Variants in MSH3 observed in about 807,000 individuals in gnomAD.
The protein encoded by MSH3 is mutS homolog 3, also known as DNA mismatch repair protein Msh3.
MSH3 carries 106 observed loss-of-function variants against 123.3 expected under a neutral mutation model. That is an observed-to-expected ratio of 0.86 (90% CI 0.73 to 1.01). The LOEUF (loss-of-function observed/expected upper bound fraction) is 1.01. MSH3 is among the 50% of genes least tolerant of loss of function. The pLI is 0.00. For missense variants in MSH3, 1,459 were observed against 1,347.6 expected (o/e 1.08, Z -1.29); for synonymous variants, 515 against 481.4 (o/e 1.07, Z -0.91).
intron 1 of MSH3, chr5:80,655,222 C>A (rs76858149): frequency 8.9e-4 from 307 of 345,458 alleles, no homozygotes; most frequent in African/African-American, 6.2e-3. Flanking sequence ...GAACTCAGGT[C>A]TCCTGACTCC....
chr5:80,769,170 A>T (rs1032701726), intron 15 of MSH3, among the ~76,000 whole-genome samples, 167 bp downstream of exon 15: 5 of 152,120 alleles, frequency 3.3e-5, no homozygotes, highest in Admixed American at 6.5e-5. Flanking sequence ...AGTTATTTTA[A>T]TGATAGTGTT....
At chr5:80,747,752 A>G (rs528933304) in intron 12 of MSH3, among the ~76,000 whole-genome samples, 1 of 152,258 alleles carries the variant, frequency 6.6e-6, no homozygotes, top group African/African-American at 2.4e-5. Context: ...AATACTTACC[A>G]TTGTGTTACA....
chr5:80,849,151 A>T (rs1286234626), intron 20 of MSH3, among the ~76,000 whole-genome samples: 1 of 152,184 alleles, frequency 6.6e-6, no homozygotes, highest in Non-Finnish European at 1.5e-5. Flanking sequence ...TTTTGACTCC[A>T]TGCCTCACAT....
At chr5:80,858,286 T>C (rs1391783433) in intron 21 of MSH3, among the ~76,000 whole-genome samples, 1 of 152,152 alleles carries the variant, frequency 6.6e-6, no homozygotes, top group Non-Finnish European at 1.5e-5. Flanking sequence ...TGGACTCCAG[T>C]GATCCTCTTG....
In MSH3 at chr5:80,692,555, GAT is replaced by G. The variant is rs1165923200; in HGVS notation, c.1340+13464_1340+13465del. 2.1e-5 allele frequency among the ~76,000 whole-genome samples: 3 copies of G among 143,398 alleles called. 1 individual carries two copies. The highest frequency in any genetic ancestry group is 4.6e-5 in the Non-Finnish European group (3 of 65,670). The allele number at this position is 143,398 out of a possible 152,430, so 94.1% of individuals were successfully genotyped here. A position where few individuals can be genotyped will look rare whatever the true frequency, so the allele number is the denominator to read the frequency against. ...AAACATGTATATGTTTATATAGAGA[GAT>G]AAACATGTATATGTTTATATAGAGA... On this transcript the variant is annotated intron_variant, in intron 8 of 23. Transcript: ENST00000265081.
chr5:80,857,487 G>C (rs1196936987), intron 21 of MSH3, among the ~76,000 whole-genome samples: 1 of 152,164 alleles, frequency 6.6e-6, no homozygotes, highest in Non-Finnish European at 1.5e-5. Context: ...TTAAACATTT[G>C]GTGGAGTTCA....
chr5:80,707,503 G>T (rs953856529), intron 8 of MSH3, among the ~76,000 whole-genome samples: 3 of 152,062 alleles, frequency 2.0e-5, no homozygotes, highest in African/African-American at 7.2e-5. Context: ...TGGGAGGACT[G>T]CTTGAGCCCA....
chr5:80,872,912 T>A (rs1311938558), intron 22 of MSH3, among the ~76,000 whole-genome samples: 2 of 152,228 alleles, frequency 1.3e-5, no homozygotes, highest in Non-Finnish European at 2.9e-5. Context: ...AAAAGATAGA[T>A]CCTATATGCA....
chr5:80,871,489 G>A (rs1189119043), intron 22 of MSH3, among the ~76,000 whole-genome samples: 3 of 152,306 alleles, frequency 2.0e-5, no homozygotes, highest in African/African-American at 7.2e-5. Context: ...AATCAGGGCA[G>A]CAGCCATGTC....
At chr5:80,655,195 T>G in intron 1 of MSH3, 1 of 386,446 alleles carries the variant, frequency 2.6e-6, no homozygotes, top group East Asian at 4.0e-5. Flanking sequence ...AGGTTTTTAA[T>G]GGCAGGCCTG....
intron 20 of MSH3, among the ~76,000 whole-genome samples, chr5:80,845,969 G>A (rs2112096797): frequency 6.6e-6 from 1 of 152,218 alleles, no homozygotes; most frequent in Admixed American, 6.5e-5. Flanking sequence ...GCAATCCTTT[G>A]GAGGAGAAGA....
At chr5:80,822,939 G>A (rs1388076723) in intron 20 of MSH3, among the ~76,000 whole-genome samples, 1 of 152,300 alleles carries the variant, frequency 6.6e-6, no homozygotes, top group East Asian at 1.9e-4. Context: ...CAAATTTGTT[G>A]TTTCAGCATA....
chr5:80,757,658 C>G (rs1743950642), intron 12 of MSH3, among the ~76,000 whole-genome samples: 1 of 152,116 alleles, frequency 6.6e-6, no homozygotes, highest in Non-Finnish European at 1.5e-5. Context: ...ATAGTAAGAT[C>G]AACCGTAGAA....
intron 20 of MSH3, among the ~76,000 whole-genome samples, chr5:80,819,796 T>C (rs542083180): frequency 1.7e-3 from 265 of 152,234 alleles, no homozygotes; most frequent in African/African-American, 5.8e-3. Flanking sequence ...CAAAAACATA[T>C]TTTTATTAAA....
intron 20 of MSH3, among the ~76,000 whole-genome samples, chr5:80,830,485 T>A (rs774733992): frequency 6.6e-6 from 1 of 152,222 alleles, no homozygotes; most frequent in Non-Finnish European, 1.5e-5. Context: ...TTATATTGGG[T>A]TCCCCTGTAT....
intron 19 of MSH3, among the ~76,000 whole-genome samples, chr5:80,808,969 A>G (rs992172614): frequency 6.7e-6 from 1 of 149,356 alleles, no homozygotes; most frequent in African/African-American, 2.4e-5. Flanking sequence ...AATAAGTTTC[A>G]CATCTGACTT....
rs1164830782 is a variant in MSH3 at position 80,767,971 on chromosome 5, A to G, written c.1935A>G (p.Leu645=). The G allele has an allele frequency of 5.0e-6, 8 of 1,613,242 alleles. No homozygotes were observed. The Admixed American group carries it at 5.0e-5, about 10-fold the overall frequency. Reference sequence around the variant, plus strand: ...AGTTCTTCTTGATTGTCAAAACTTTATATCACCTAAAGTCAGAATTTCAAG... The same window carrying G: ...AGTTCTTCTTGATTGTCAAAACTTTGTATCACCTAAAGTCAGAATTTCAAG... The part of the protein sequence containing the change: ...TQEFFLIVKT[L]YHLKSEFQAI... Residue 645 remains leucine (L), a synonymous_variant, in exon 14 of 24, where the codon TTA becomes TTG. Transcript: ENST00000265081.
chr5:80,858,918 GTCT>G (rs1485227037), intron 21 of MSH3, among the ~76,000 whole-genome samples: 1 of 151,898 alleles, frequency 6.6e-6, no homozygotes, highest in African/African-American at 2.4e-5. Context: ...AGGATATTAT[GTCT>G]TCTTGGACAT....
At chr5:80,720,041 C>T (rs1025761452) in intron 8 of MSH3, among the ~76,000 whole-genome samples, 5 of 152,154 alleles carry the variant, frequency 3.3e-5, no homozygotes, top group African/African-American at 1.2e-4. Flanking sequence ...GGGTATAGCT[C>T]TCTGTGGCCT....
Sources: allele counts gnomAD v4.1 joint callset (sites outside exome capture counted in the v4.1 genomes callset), GRCh38; gene constraint gnomAD v4.1.1; transcripts MANE v1.5; gene names NCBI Gene and HGNC (gene_info 2026-07-23, HGNC 2026-07-21).